ERBIN: variants seen among roughly 807,000 people sequenced by gnomAD.
The protein encoded by ERBIN is densin-180-like protein.
ERBIN carries 60 observed loss-of-function variants against 158.4 expected under a neutral mutation model. That is an observed-to-expected ratio of 0.38 (90% CI 0.31 to 0.47). The LOEUF is 0.47. Ranked by LOEUF, ERBIN falls within the 20% of genes least tolerant of loss-of-function variation. The pLI is 0.99. For missense variants in ERBIN, 1,610 were observed against 1,648.0 expected (o/e 0.98, Z 0.40); for synonymous variants, 594 against 557.2 (o/e 1.07, Z -0.93).
At chr5:66,027,782 G>C (rs898292726) in intron 13 of ERBIN, among the ~76,000 whole-genome samples, 1 of 152,026 alleles carries the variant, frequency 6.6e-6, no homozygotes, top group Admixed American at 6.5e-5. Flanking sequence ...ACTGAGGAAT[G>C]ACTGTACTTT....
Position 66,072,311 on chromosome 5 carries a change from A to G in ERBIN, c.3756+20A>G, listed in dbSNP as rs1277889983. On this transcript the variant is annotated intron_variant, in intron 22 of 25. Coordinates refer to ENST00000284037, the MANE Select transcript of ERBIN (RefSeq NM_001253697.2). Reference sequence around the variant, plus strand: ...ATGAAAGTGGGTGCTCGGGAAAACAAAATGTAGTATCTGTGAGCTTTCTAT... The same window carrying G: ...ATGAAAGTGGGTGCTCGGGAAAACAGAATGTAGTATCTGTGAGCTTTCTAT... 1.9e-6 allele frequency: 3 copies of G among 1,549,390 alleles called. No homozygotes were observed. The highest frequency in any genetic ancestry group is 1.7e-6 in the Non-Finnish European group (2 of 1,146,484).
chr5:66,011,542 C>T (rs1430215407), intron 4 of ERBIN, among the ~76,000 whole-genome samples: 2 of 152,082 alleles, frequency 1.3e-5, no homozygotes, highest in East Asian at 1.9e-4. Flanking sequence ...CAAAAATTAG[C>T]TGGGCATGGT....
chr5:65,958,482 G>C (rs935846859), intron 1 of ERBIN, among the ~76,000 whole-genome samples: 5 of 151,764 alleles, frequency 3.3e-5, no homozygotes, highest in Admixed American at 6.6e-5. Context: ...CCAGTCAGGC[G>C]GGGCGGTGCG....
chr5:66,044,139 G>A lies in ERBIN; in HGVS notation c.1431G>A (p.Glu477=), dbSNP rs776240761. 6.5e-7 allele frequency: 1 copy of A among 1,541,758 alleles called. No homozygotes were observed. The highest frequency in any genetic ancestry group is 1.3e-5 in the South Asian group (1 of 79,178). The part of the protein sequence containing the change: ...DKDEREAPPR[E]GNLKRYPTPY... ...TTTTACTTATTTTATTTCTCTAGGA[G>A]GGAAATTTAAAAAGATATCCAACAC... Residue 477 remains glutamate, a splice_region_variant and synonymous_variant, in exon 17 of 26, where the codon GAG becomes GAA. Transcript: ENST00000284037.
intron 20 of ERBIN, among the ~76,000 whole-genome samples, chr5:66,052,292 G>T (rs36299): frequency 0.73 from 111,586 of 151,964 alleles, 42,722 homozygotes; most frequent in Non-Finnish European, 0.86. Context: ...TTAAATTTCA[G>T]GCATATTTAA....
In ERBIN at chr5:66,068,206, G is replaced by C. The variant is rs1367408912; in HGVS notation, c.3634-3963G>C. Among the ~76,000 whole-genome samples the C allele has an allele frequency of 8.2e-4, 125 of 151,776 alleles. 4 individuals carry two copies. The highest frequency in any genetic ancestry group is 8.1e-3 in the Admixed American group (124 of 15,218). ...AATAATAATAACAACAACTAGCCAGGTGTGGTAATGAGGACCTGTAGTCCT... is the reference window on the plus strand; with the variant it reads ...AATAATAATAACAACAACTAGCCAGCTGTGGTAATGAGGACCTGTAGTCCT... On this transcript the variant is annotated intron_variant, in intron 21 of 25. Coordinates refer to ENST00000284037, the MANE Select transcript of ERBIN (RefSeq NM_001253697.2).
chr5:66,020,456 G>C (rs918315266), intron 7 of ERBIN, among the ~76,000 whole-genome samples: 8 of 151,846 alleles, frequency 5.3e-5, no homozygotes, highest in Non-Finnish European at 1.2e-4. Flanking sequence ...CTGATATTGT[G>C]ATTATAACTA....
At chr5:66,048,645 C>T (rs747387170) in intron 18 of ERBIN, 22 bp from the exon 19 acceptor site, 14 of 1,421,858 alleles carry the variant, frequency 9.8e-6, no homozygotes, top group Non-Finnish European at 1.4e-5. Context: ...AATTTTTATC[C>T]CCCTCACCCC....
At chr5:66,030,558 G>A (rs1756760969) in intron 14 of ERBIN, among the ~76,000 whole-genome samples, 1 of 146,800 alleles carries the variant, frequency 6.8e-6, no homozygotes, top group African/African-American at 2.5e-5. Flanking sequence ...TAGTACAGTA[G>A]CACCTTTTTT....
At chr5:65,974,941 G>C (rs1055377115) in intron 1 of ERBIN, among the ~76,000 whole-genome samples, 2 of 152,188 alleles carry the variant, frequency 1.3e-5, no homozygotes, top group Admixed American at 6.5e-5. Flanking sequence ...ATCTCGTAAA[G>C]TAAGGGGAAG....
chr5:66,008,900 T>C (rs1189881130), intron 4 of ERBIN, among the ~76,000 whole-genome samples: 1 of 152,170 alleles, frequency 6.6e-6, no homozygotes, highest in Non-Finnish European at 1.5e-5. Context: ...TACTTGAAAA[T>C]CAGTGTCATC....
At chr5:66,032,626 C>A (rs186284427) in intron 14 of ERBIN, among the ~76,000 whole-genome samples, 22 of 152,164 alleles carry the variant, frequency 1.4e-4, no homozygotes, top group African/African-American at 5.1e-4. Flanking sequence ...TTTAGAAAGG[C>A]CTTTTTGGCT....
In ERBIN at chr5:66,079,581, A is replaced by G. The variant is rs1377389968; in HGVS notation, c.*1051A>G. The G allele has an allele frequency of 6.6e-6, 1 of 152,634 alleles. No homozygotes were observed. The highest frequency in any genetic ancestry group is 1.9e-4 in the East Asian group (1 of 5,202). The allele number at this position is 152,634 out of a possible 1,614,324, so 9.5% of individuals were successfully genotyped here. ...GCCTTGCATTGCCTTGGTAAAGTAA[A>G]AGGAAACAGTACACTTGGAGCTAGG... is the stretch of plus-strand genomic sequence containing the variant. On this transcript the variant is annotated 3_prime_UTR_variant, in exon 26 of 26. Transcript: ENST00000284037.
chr5:66,005,148 C>T (rs1398159163), intron 4 of ERBIN, among the ~76,000 whole-genome samples: 3 of 152,072 alleles, frequency 2.0e-5, no homozygotes, highest in African/African-American at 7.2e-5. Flanking sequence ...AATGCTGTTT[C>T]AGTCATCTGA....
At chr5:66,010,992 A>G (rs534295154) in intron 4 of ERBIN, among the ~76,000 whole-genome samples, 4 of 152,338 alleles carry the variant, frequency 2.6e-5, no homozygotes, top group African/African-American at 4.8e-5. Context: ...TTTGGTCCAC[A>G]ACAGATTGGA....
chr5:65,944,224 T>A (rs1382584540), intron 1 of ERBIN, among the ~76,000 whole-genome samples: 1 of 23,626 alleles, frequency 4.2e-5, no homozygotes, highest in African/African-American at 9.8e-5. Context: ...TTTTTTTTTT[T>A]TAAGGAACCA....
At chr5:65,952,380 A>G (rs897278866) in intron 1 of ERBIN, among the ~76,000 whole-genome samples, 10 of 152,208 alleles carry the variant, frequency 6.6e-5, no homozygotes, top group African/African-American at 1.7e-4. Flanking sequence ...ATGGGCTCTC[A>G]CTATGCTTCC....
At chr5:65,928,245 T>TG (rs1742916277) in intron 1 of ERBIN, among the ~76,000 whole-genome samples, 2 of 151,196 alleles carry the variant, frequency 1.3e-5, no homozygotes, top group Non-Finnish European at 3.0e-5. Context: ...CTCAGGAGAT[T>TG]CTTTTTTTTT....
intron 4 of ERBIN, among the ~76,000 whole-genome samples, chr5:65,996,275 G>C (rs545563033): frequency 5.1e-4 from 67 of 130,742 alleles, no homozygotes; most frequent in East Asian, 3.0e-3. Context: ...TAACAGTTTT[G>C]GGTGTTATAG....
Sources: gnomAD v4.1 joint callset for allele counts (sites outside exome capture counted in the v4.1 genomes callset) on GRCh38, gnomAD v4.1.1 for gene constraint, MANE v1.5 for transcripts, NCBI Gene and HGNC (gene_info 2026-07-23, HGNC 2026-07-21) for gene names.